Variants in TRIM69 observed in about 807,000 individuals in gnomAD.
TRIM69 encodes E3 ubiquitin-protein ligase TRIM69.
A neutral mutation model predicts 37.7 loss-of-function variants in TRIM69; 29 were observed. The ratio of observed to expected loss-of-function variants is 0.77; its 90% CI spans 0.57 to 1.05. The LOEUF is 1.05. TRIM69 is among the 50% of genes least tolerant of loss of function. The probability of loss-of-function intolerance (pLI) is 0.00; values close to 1 mark genes in which losing one functional copy is unlikely to be tolerated. For missense variants in TRIM69, 596 were observed against 579.9 expected (o/e 1.03, Z -0.28); for synonymous variants, 209 against 212.4 (o/e 0.98, Z 0.14).
At chr15:44,764,835 A>G (rs147996641) in intron 6 of TRIM69, among the ~76,000 whole-genome samples, 2 of 152,366 alleles carry the variant, frequency 1.3e-5, no homozygotes, top group Non-Finnish European at 2.9e-5. Context: ...TGAAGTAGGA[A>G]TGATCTTCAT....
At chr15:44,740,830 C>T (rs1341656715) in intron 1 of TRIM69, among the ~76,000 whole-genome samples, 1 of 151,988 alleles carries the variant, frequency 6.6e-6, no homozygotes, top group Non-Finnish European at 1.5e-5. Flanking sequence ...TCCTGAGTGA[C>T]CTACAAAGAG....
At chr15:44,759,449 G>C (rs2087725598) in intron 4 of TRIM69, among the ~76,000 whole-genome samples, 191 bp from the exon 5 acceptor site, 1 of 152,200 alleles carries the variant, frequency 6.6e-6, no homozygotes, top group Admixed American at 6.5e-5. Context: ...ACTCTAGAAA[G>C]AGCAAAAGAT....
At chr15:44,764,729 A>G (rs2087850790) in intron 6 of TRIM69, among the ~76,000 whole-genome samples, 1 of 152,248 alleles carries the variant, frequency 6.6e-6, no homozygotes, top group Admixed American at 6.5e-5. Context: ...GAATTTTTCA[A>G]TTTAAAATAT....
At chr15:44,744,794 TACATA>T (rs937667752) in intron 1 of TRIM69, among the ~76,000 whole-genome samples, 2 of 152,150 alleles carry the variant, frequency 1.3e-5, no homozygotes, top group African/African-American at 4.8e-5. Flanking sequence ...CATGAAGTAT[TACATA>T]AAAGGCTTGC....
At chr15:44,748,572 C>G (rs1262687826) in intron 1 of TRIM69, among the ~76,000 whole-genome samples, 1 of 151,960 alleles carries the variant, frequency 6.6e-6, no homozygotes, top group African/African-American at 2.4e-5. Flanking sequence ...TGCCTGTAAT[C>G]TCAGCACTTT....
chr15:44,740,072 C>T (rs564478715), intron 1 of TRIM69, among the ~76,000 whole-genome samples: 15 of 152,328 alleles, frequency 9.8e-5, no homozygotes, highest in East Asian at 1.9e-4. Context: ...TCGCGGTTCA[C>T]GAAAATCCAC....
chr15:44,767,737 A>G lies in TRIM69; in HGVS notation c.1468A>G (p.Asn490Asp). The G allele has an allele frequency of 6.2e-7, 1 of 1,613,534 alleles. No homozygotes were observed. The highest frequency in any genetic ancestry group is 8.5e-7 in the Non-Finnish European group (1 of 1,179,974). ...CCCCTGCCTTAATGATGGTGGAGAG[A>G]ATAAAGAACCATTGCACATCTTACA... ...FCPCLNDGGE[N>D]KEPLHILHPQ The change falls in exon 7 of 7, where the codon AAT becomes GAT. Residue 490 changes from asparagine (N) to aspartate (D), a missense_variant. Transcript: ENST00000329464.
chr15:44,740,451 C>T (rs960438616), intron 1 of TRIM69, among the ~76,000 whole-genome samples: 26 of 152,168 alleles, frequency 1.7e-4, no homozygotes, highest in African/African-American at 6.0e-4. Context: ...GGAGGAAATT[C>T]AAACCAAAGG....
chr15:44,736,669 A>T lies in TRIM69; in HGVS notation c.-36A>T. 2 of 1,610,578 alleles carry T rather than the reference A, an allele frequency of 1.2e-6. No homozygotes were observed. Among genetic ancestry groups the T allele is most frequent in the Non-Finnish European group, 1.7e-6 (2 of 1,178,626 alleles). On this transcript the variant is annotated 5_prime_UTR_variant, in exon 1 of 7. It adds an upstream start codon to the 5' untranslated region. Transcript: ENST00000329464. ...CCTGGGCCTGCTGAGCTCTGATTCA[A>T]GTGCCTGCCTCTGCCCCTTGGTGGG...
At position 44,759,871 on chromosome 15, in the gene TRIM69, A is replaced by C. The variant is rs770411290; in HGVS notation, c.960A>C (p.Pro320=). 1.9e-6 allele frequency: 3 copies of C among 1,609,788 alleles called. No individual in the cohort carries two copies. The highest frequency in any genetic ancestry group is 2.5e-6 in the Non-Finnish European group (3 of 1,176,608). Residue 320 remains proline (P), a splice_region_variant and synonymous_variant, in exon 6 of 7, where the codon CCA becomes CCC. Transcript: ENST00000329464. ...VWREMQDTLC[P]GLSPLTLDPK... ...GGGAAATGCAGGACACTCTCTGCCC[A>C]GGTATCAGTGGGTAGTAACTATTGG...
chr15:44,767,097 T>G (rs1369131455), intron 6 of TRIM69, 134 bp from the exon 7 acceptor site: 2 of 181,960 alleles, frequency 1.1e-5, no homozygotes, highest in African/African-American at 6.0e-5. Context: ...ATATAAGTAA[T>G]TGCTTGCCTG....
At position 44,755,214 on chromosome 15, in the gene TRIM69, C is replaced by T; in HGVS notation, c.321C>T (p.Pro107=). ...TGGTAGAGAAGATTAAGAAGTTACC[C>T]TTACTCAAGGGCCATCCACAGTGCC... ...DKLVEKIKKL[P]LLKGHPQCPE... The change falls in exon 2 of 7, where the codon CCC becomes CCT. Residue 107 remains proline, a synonymous_variant. Coordinates refer to ENST00000329464, the MANE Select transcript of TRIM69 (RefSeq NM_182985.5). 6.2e-7 allele frequency: 1 copy of T among 1,614,168 alleles called. No homozygotes were observed.
At chr15:44,746,744 G>T (rs758292625) in intron 1 of TRIM69, among the ~76,000 whole-genome samples, 122 of 77,778 alleles carry the variant, frequency 1.6e-3, no homozygotes, top group Non-Finnish European at 2.6e-3. Flanking sequence ...CCCAGCACGT[G>T]CACGTGCACA....
intron 4 of TRIM69, among the ~76,000 whole-genome samples, chr15:44,759,096 G>A (rs538517124): frequency 6.6e-6 from 1 of 152,322 alleles, no homozygotes; most frequent in Admixed American, 6.5e-5. Flanking sequence ...ATTAATAATA[G>A]TATATAGTAA....
chr15:44,762,862 A>G (rs531032129), intron 6 of TRIM69, among the ~76,000 whole-genome samples: 1 of 152,030 alleles, frequency 6.6e-6, no homozygotes, highest in South Asian at 2.1e-4. Flanking sequence ...TTCTCCTGAG[A>G]GTCATATTTT....
chr15:44,741,884 A>G (rs2087295274), intron 1 of TRIM69, among the ~76,000 whole-genome samples: 1 of 152,246 alleles, frequency 6.6e-6, no homozygotes, highest in African/African-American at 2.4e-5. Context: ...ATTCTACCAG[A>G]GGTACAAGGA....
rs78638210 is a variant in TRIM69, at chr15:44,763,915, G to A, written c.962-3316G>A. Among the ~76,000 whole-genome samples the A allele has an allele frequency of 8.3e-3, 1,257 of 152,152 alleles. 18 individuals carry two copies. Among genetic ancestry groups the A allele is most frequent in the African/African-American group, 0.026 (1,098 of 41,500 alleles). ...ACCCTACCTGACGTTGACATATTAC[G>A]ACATTTTTCCATTCTGGTTGGCAAG... On this transcript the variant is annotated intron_variant, in intron 6 of 6. Transcript: ENST00000329464.
At chr15:44,741,501 C>G (rs1380882962) in intron 1 of TRIM69, among the ~76,000 whole-genome samples, 4 of 152,162 alleles carry the variant, frequency 2.6e-5, no homozygotes. Flanking sequence ...ACACAATAAA[C>G]CCTTCAAAAA....
chr15:44,760,168 C>CA (rs2087746519), intron 6 of TRIM69, among the ~76,000 whole-genome samples: 1 of 152,156 alleles, frequency 6.6e-6, no homozygotes, highest in Admixed American at 6.5e-5. Flanking sequence ...TTTGCTAAAT[C>CA]AGCTATATGA....
Sources: gnomAD v4.1 joint callset for allele counts (sites outside exome capture counted in the v4.1 genomes callset) on GRCh38, gnomAD v4.1.1 for gene constraint, MANE v1.5 for transcripts, NCBI Gene and HGNC (gene_info 2026-07-23, HGNC 2026-07-21) for gene names.